DDI2: variants seen among roughly 807,000 people sequenced by gnomAD.
The protein encoded by DDI2 is DDI proteasomal shuttling factor 2, also known as protein DDI1 homolog 2.
DDI2 carries 5 observed loss-of-function variants against 48.1 expected under a neutral mutation model. That is an observed-to-expected ratio of 0.10 (90% CI 0.05 to 0.22). The LOEUF is 0.22. DDI2 is among the 10% of genes least tolerant of loss of function. DDI2 has a pLI of 1.00. For missense variants in DDI2, 285 were observed against 506.2 expected, an observed-to-expected ratio of 0.56 and a Z score of 4.19; for synonymous variants, 205 against 183.6, an observed-to-expected ratio of 1.12 and a Z score of -0.94.
chr1:15,632,918 TTTTTTTTTTTTTTA>T (rs1639867653), intron 3 of DDI2, among the ~76,000 whole-genome samples: 1 of 128,152 alleles, frequency 7.8e-6, no homozygotes, highest in Admixed American at 7.4e-5. Flanking sequence ...AATACTTTTT[TTTTTTTTTTTTTTA>T]AAAAAAAAAA....
At chr1:15,635,990 G>T (rs533900489) in intron 4 of DDI2, among the ~76,000 whole-genome samples, 1 of 152,308 alleles carries the variant, frequency 6.6e-6, no homozygotes, top group Admixed American at 6.5e-5. Context: ...AGGTTCGATA[G>T]CTTTCATATT....
intron 2 of DDI2, among the ~76,000 whole-genome samples, chr1:15,627,318 G>A (rs180699044): frequency 1.9e-4 from 29 of 152,256 alleles, no homozygotes; most frequent in East Asian, 1.2e-3. Flanking sequence ...ATTTTAAATG[G>A]TGTCTTTAAA....
At chr1:15,618,497 G>T (rs1045823406) in intron 1 of DDI2, among the ~76,000 whole-genome samples, 1 of 152,128 alleles carries the variant, frequency 6.6e-6, no homozygotes, top group Non-Finnish European at 1.5e-5. Flanking sequence ...TAAGCCAGAA[G>T]GCCCTTTTTC....
At position 15,667,722 on chromosome 1, in the gene DDI2, T is replaced by C. The variant is rs1343298440; in HGVS notation, c.*7932T>C. 6.6e-6 allele frequency: 1 copy of C among 152,246 alleles called. No homozygotes were observed. The highest frequency in any genetic ancestry group is 1.5e-5 in the Non-Finnish European group (1 of 68,046). 9.4% of individuals were successfully genotyped at this position (152,246 alleles called of 1,614,324 possible). On this transcript the variant is annotated 3_prime_UTR_variant, in exon 10 of 10. Coordinates refer to ENST00000480945, the MANE Select transcript of DDI2 (RefSeq NM_032341.5). The stretch of plus-strand genomic sequence containing the variant: ...TATTTTAAATGCCACATATATGTTG[T>C]AATGCTGAAGCATACAGGTAGAATT...
intron 8 of DDI2, among the ~76,000 whole-genome samples, chr1:15,652,547 G>A (rs1640206900): frequency 6.7e-6 from 1 of 149,030 alleles, no homozygotes; most frequent in South Asian, 2.2e-4. Context: ...AAATTGGCCA[G>A]GCGCGGTGGC....
Position 15,659,859 on chromosome 1 carries a change from C to A in DDI2, c.*69C>A. 1.2e-5 allele frequency: 19 copies of A among 1,551,242 alleles called. No individual in the cohort carries two copies. The highest frequency in any genetic ancestry group is 1.6e-5 in the Non-Finnish European group (19 of 1,153,682). On this transcript the variant is annotated 3_prime_UTR_variant, in exon 10 of 10. Transcript: ENST00000480945. ...TAGAGAAAAGTGGTAAAGAATCTAC[C>A]TCACTGGGAATGTCATCATTACCAA...
chr1:15,654,128 T>C (rs892208122), intron 8 of DDI2, among the ~76,000 whole-genome samples: 1 of 152,214 alleles, frequency 6.6e-6, no homozygotes, highest in African/African-American at 2.4e-5. Flanking sequence ...CATTGCTTTT[T>C]CTAGTACAGT....
Position 15,668,782 on chromosome 1 carries a change from G to A in DDI2, c.*8992G>A, listed in dbSNP as rs1640488909. 1 of 152,168 alleles carries A rather than the reference G, an allele frequency of 6.6e-6. No homozygotes were observed. The highest frequency in any genetic ancestry group is 2.4e-5 in the African/African-American group (1 of 41,442). The allele number at this position is 152,168 out of a possible 1,614,324, so 9.4% of individuals were successfully genotyped here. On this transcript the variant is annotated 3_prime_UTR_variant, in exon 10 of 10. Coordinates refer to ENST00000480945, the MANE Select transcript of DDI2 (RefSeq NM_032341.5). ...TGGTTTTGAGAGTTGGGAAAACTCT[G>A]AGAACTTAAGGGAACCAAACTCAGG...
chr1:15,639,980 C>G (rs188848002), intron 5 of DDI2, among the ~76,000 whole-genome samples: 1 of 151,414 alleles, frequency 6.6e-6, no homozygotes, highest in Admixed American at 6.6e-5. Context: ...GATTGTGCCA[C>G]TGTGCCCCAG....
At chr1:15,653,835 G>A (rs1640230661) in intron 8 of DDI2, among the ~76,000 whole-genome samples, 1 of 152,136 alleles carries the variant, frequency 6.6e-6, no homozygotes, top group South Asian at 2.1e-4. Context: ...GTGTTATGGT[G>A]TGAGATTACA....
At chr1:15,646,775 TTCAG>T (rs1366524796) in intron 6 of DDI2, among the ~76,000 whole-genome samples, 2 of 152,230 alleles carry the variant, frequency 1.3e-5, no homozygotes, top group African/African-American at 4.8e-5. Context: ...AATGCATGTG[TTCAG>T]TCATTCATCT....
intron 2 of DDI2, among the ~76,000 whole-genome samples, chr1:15,628,788 A>G (rs777479731): frequency 3.3e-5 from 5 of 152,126 alleles, no homozygotes; most frequent in Non-Finnish European, 7.3e-5. Flanking sequence ...TGTAACCATC[A>G]CCACAATCCA....
chr1:15,617,620 C>T lies in DDI2; in HGVS notation c.-51C>T. ...CCACGCCGCCGCCTCTTCCCCTGCG[C>T]CCCGCGCCCAGGCCGGGCCGAGCCG... On this transcript the variant is annotated 5_prime_UTR_variant, in exon 1 of 10. Coordinates refer to ENST00000480945, the MANE Select transcript of DDI2 (RefSeq NM_032341.5). The T allele has an allele frequency of 7.7e-7, 1 of 1,293,470 alleles. No homozygotes were observed. The highest frequency in any genetic ancestry group is 9.9e-7 in the Non-Finnish European group (1 of 1,013,686). 80.1% of individuals were successfully genotyped at this position (1,293,470 alleles called of 1,614,324 possible).
intron 1 of DDI2, among the ~76,000 whole-genome samples, chr1:15,620,742 A>G (rs1639647003): frequency 6.6e-6 from 1 of 152,214 alleles, no homozygotes; most frequent in South Asian, 2.1e-4. Context: ...ATATGGCCAC[A>G]TGTGCATATA....
At chr1:15,647,498 A>AT (rs1178084756) in intron 6 of DDI2, among the ~76,000 whole-genome samples, 2 of 151,854 alleles carry the variant, frequency 1.3e-5, no homozygotes, top group Non-Finnish European at 2.9e-5. Flanking sequence ...GCACATTTTG[A>AT]TTTTTTCCCC....
intron 6 of DDI2, among the ~76,000 whole-genome samples, chr1:15,645,843 T>C (rs972292912): frequency 2.0e-5 from 3 of 149,668 alleles, no homozygotes; most frequent in African/African-American, 7.4e-5. Flanking sequence ...GTACTCCAGC[T>C]TGGATGACAA....
In DDI2 at chr1:15,668,851, A is replaced by G. The variant is rs1168411023; in HGVS notation, c.*9061A>G. On this transcript the variant is annotated 3_prime_UTR_variant, in exon 10 of 10. Transcript: ENST00000480945. Reference sequence around the variant, plus strand: ...ATTGTGCCATTCGTTTAGGGGCTGAACATAGGACCTGTCTGAAACTGAGTG... The same window carrying G: ...ATTGTGCCATTCGTTTAGGGGCTGAGCATAGGACCTGTCTGAAACTGAGTG... 2 of 152,218 alleles carry G rather than the reference A, an allele frequency of 1.3e-5. No individual in the cohort carries two copies. Among genetic ancestry groups the G allele is most frequent in the African/African-American group, 4.8e-5 (2 of 41,430 alleles). 9.4% of individuals were successfully genotyped at this position (152,218 alleles called of 1,614,324 possible).
intron 6 of DDI2, among the ~76,000 whole-genome samples, chr1:15,645,835 A>T (rs961504794): frequency 2.7e-5 from 4 of 147,846 alleles, no homozygotes; most frequent in Non-Finnish European, 4.4e-5. Flanking sequence ...ATACTACTGT[A>T]CTCCAGCTTG....
intron 6 of DDI2, among the ~76,000 whole-genome samples, chr1:15,647,319 T>G (rs1226296694): frequency 6.6e-6 from 1 of 151,812 alleles, no homozygotes; most frequent in East Asian, 1.9e-4. Context: ...GGGTAATTTT[T>G]GGATTTTTAG....
Sources: gnomAD v4.1 joint callset for allele counts (sites outside exome capture counted in the v4.1 genomes callset) on GRCh38, gnomAD v4.1.1 for gene constraint, MANE v1.5 for transcripts, NCBI Gene and HGNC (gene_info 2026-07-23, HGNC 2026-07-21) for gene names.